The following ZNF827 variants were observed in gnomAD, a reference collection of about 807,000 sequenced individuals.
ZNF827 encodes the protein zinc finger protein 827.
A neutral mutation model predicts 102.4 loss-of-function variants in ZNF827; 13 were observed. The observed-to-expected ratio is 0.13, with a 90% CI of 0.08 to 0.20. The LOEUF is 0.20. ZNF827 is among the 10% of genes least tolerant of loss of function. The pLI, the probability that ZNF827 is intolerant of heterozygous loss-of-function variation, is 1.00. For missense variants in ZNF827, 1,103 were observed against 1,344.4 expected (o/e 0.82, Z 2.81); for synonymous variants, 523 against 536.2 (o/e 0.98, Z 0.34).
Position 145,902,976 on chromosome 4 carries a change from G to C in ZNF827, c.283C>G (p.Leu95Val). ...ALDSEVLRDS[L>V]QCQDHLSPGV... ...GGGGAAAGGTGATCTTGACACTGCA[G>C]TGAGTCTCGCAGGACCTCACTGTCC... The change falls in exon 2 of 15, where the codon CTG becomes GTG. Residue 95 changes from leucine (L) to valine (V), a missense_variant. Physicochemically the swap from Leu to Val is conservative, Grantham distance 32. Transcript: ENST00000508784. This position sits in a 1 kb window ranked among gnomAD's most constrained non-coding sequence, Gnocchi z 4.3. 1.2e-6 allele frequency: 2 copies of C among 1,614,188 alleles called. No homozygotes were observed. The highest frequency in any genetic ancestry group is 1.7e-6 in the Non-Finnish European group (2 of 1,180,028).
intron 5 of ZNF827, among the ~76,000 whole-genome samples, chr4:145,853,092 A>G (rs1746696874): frequency 6.6e-6 from 1 of 152,228 alleles, no homozygotes. Flanking sequence ...CACAAGACAA[A>G]GAAGAAAGAA....
At chr4:145,872,739 G>T (rs1748808644) in intron 4 of ZNF827, among the ~76,000 whole-genome samples, 1 of 151,472 alleles carries the variant, frequency 6.6e-6, no homozygotes, top group Non-Finnish European at 1.5e-5. Context: ...GCCAGACGTG[G>T]TGGCATGCAC....
intron 7 of ZNF827, among the ~76,000 whole-genome samples, chr4:145,834,272 T>C (rs1434699288): frequency 1.3e-5 from 2 of 152,122 alleles, no homozygotes; most frequent in South Asian, 2.1e-4. Context: ...CATCAGTCCC[T>C]TCCTAGTCTC....
At chr4:145,802,690 G>T (rs1016635858) in intron 8 of ZNF827, among the ~76,000 whole-genome samples, 4 of 152,248 alleles carry the variant, frequency 2.6e-5, no homozygotes, top group African/African-American at 7.2e-5. Flanking sequence ...GGGCGCAGTG[G>T]CTCACGCCTG....
chr4:145,876,997 C>T (rs1749201249), intron 4 of ZNF827: 1 of 151,840 alleles, frequency 6.6e-6, no homozygotes, highest in Non-Finnish European at 1.5e-5. Context: ...GACTGTACTC[C>T]CTCATAGCAC....
chr4:145,833,673 A>G (rs1744500150), intron 7 of ZNF827, among the ~76,000 whole-genome samples: 1 of 147,968 alleles, frequency 6.8e-6, no homozygotes, highest in South Asian at 2.1e-4. Context: ...CCAATCCCTT[A>G]TTTACGCACC....
At chr4:145,776,485 T>C (rs1232081240) in intron 9 of ZNF827, among the ~76,000 whole-genome samples, 1 of 147,772 alleles carries the variant, frequency 6.8e-6, no homozygotes, top group Non-Finnish European at 1.5e-5. Context: ...AAAAAAAAAG[T>C]CCCAGGGCAA....
intron 5 of ZNF827, among the ~76,000 whole-genome samples, chr4:145,863,578 G>A (rs1747916875): frequency 1.3e-5 from 2 of 152,228 alleles, no homozygotes; most frequent in African/African-American, 4.8e-5. Context: ...ACTGATTTAT[G>A]TTACAACATA....
At chr4:145,868,454 G>A (rs1053787062) in intron 5 of ZNF827, among the ~76,000 whole-genome samples, 1 of 152,152 alleles carries the variant, frequency 6.6e-6, no homozygotes, top group Admixed American at 6.5e-5. Context: ...GAAACAGGAC[G>A]TCATCCATTC....
chr4:145,936,875 G>A (rs1754212575), intron 1 of ZNF827, among the ~76,000 whole-genome samples: 3 of 152,040 alleles, frequency 2.0e-5, no homozygotes, highest in African/African-American at 4.8e-5. Context: ...GCAGGATCGG[G>A]CTCCGAGCAG....
At position 145,802,777 on chromosome 4, in the gene ZNF827, C is replaced by CA. The variant is rs775746984; in HGVS notation, c.2383+20644dup. 4.6e-5 allele frequency among the ~76,000 whole-genome samples: 7 copies of CA among 151,840 alleles called. No homozygotes were observed. In the South Asian group the frequency reaches 8.3e-4, roughly 18 times the overall value. ...GTTCATGGAGAAACTGCATCTCTACCAAAAAAAATTAAAAAGTTAGCTAGA... is the reference window on the plus strand; with the variant it reads ...GTTCATGGAGAAACTGCATCTCTACCAAAAAAAAATTAAAAAGTTAGCTAGA... On this transcript the variant is annotated intron_variant, in intron 8 of 14. Transcript: ENST00000508784.
At chr4:145,835,055 C>T (rs10446778) in intron 7 of ZNF827, 9 of 152,328 alleles carry the variant, frequency 5.9e-5, no homozygotes, top group South Asian at 2.1e-4. Context: ...AAGGAATGCC[C>T]GCAGCCTGGG....
intron 1 of ZNF827, among the ~76,000 whole-genome samples, chr4:145,937,468 G>C (rs1436297200): frequency 1.3e-5 from 2 of 150,848 alleles, no homozygotes; most frequent in Non-Finnish European, 3.0e-5. Flanking sequence ...GGGACCTCGC[G>C]CGCCGCGAGC....
intron 1 of ZNF827, among the ~76,000 whole-genome samples, chr4:145,915,219 G>A (rs193104602): frequency 2.6e-5 from 4 of 152,220 alleles, no homozygotes; most frequent in South Asian, 4.1e-4. Context: ...AGGCTGAGGC[G>A]GGTGGATCAC....
At chr4:145,914,146 T>A (rs946444396) in intron 1 of ZNF827, among the ~76,000 whole-genome samples, 2 of 152,074 alleles carry the variant, frequency 1.3e-5, no homozygotes, top group African/African-American at 4.8e-5. Context: ...ATCATCATTC[T>A]GTCTGCCAAA....
At chr4:145,913,425 CAAAAA>C (rs775706430) in intron 1 of ZNF827, among the ~76,000 whole-genome samples, 6 of 73,328 alleles carry the variant, frequency 8.2e-5, no homozygotes, top group African/African-American at 1.0e-4. Context: ...GACCCTGTCT[CAAAAA>C]AAAAAAAAAA....
intron 7 of ZNF827, among the ~76,000 whole-genome samples, chr4:145,837,225 C>T (rs1579329917): frequency 6.6e-6 from 1 of 152,182 alleles, no homozygotes; most frequent in South Asian, 2.1e-4. Context: ...CTTTATATCC[C>T]TTATGGTCCT....
chr4:145,850,010 ATT>A (rs541497382), intron 5 of ZNF827, among the ~76,000 whole-genome samples: 1 of 142,254 alleles, frequency 7.0e-6, no homozygotes. Flanking sequence ...TTCTCCCTCT[ATT>A]TTTTTTTTTT....
Position 145,910,361 on chromosome 4 carries a change from C to G in ZNF827, c.44-7146G>C, listed in dbSNP as rs1380928561. On this transcript the variant is annotated intron_variant, in intron 1 of 14. Transcript: ENST00000508784. ...TGGCCGAGGAACTGCCCGTGTTCCT[C>G]CCTCTACCTGCCCGTCTCAGCAGGA... 4.6e-5 allele frequency among the ~76,000 whole-genome samples: 7 copies of G among 152,308 alleles called. No individual in the cohort carries two copies. The South Asian group carries it at 8.3e-4, about 18-fold the overall frequency.
Sources: gnomAD v4.1 joint callset for allele counts (sites outside exome capture counted in the v4.1 genomes callset) on GRCh38, gnomAD v4.1.1 for gene constraint, Gnocchi (gnomAD v3.1) non-coding constraint, MANE v1.5 for transcripts, NCBI Gene and HGNC (gene_info 2026-07-23, HGNC 2026-07-21) for gene names.